KCNQ1OT1: variants seen among roughly 807,000 people sequenced by gnomAD.
KCNQ1OT1 encodes KCNQ1 opposite strand/antisense transcript 1.
rs890300100 is a variant in KCNQ1OT1, at chr11:2,674,368, C to T, written n.25627G>A. Reference sequence around the variant, plus strand: ...TCCATTCGCTCTTGGCAAAGAGCAGCTTCCTGCTTAGGGAAGGTGCATGCG... The same window carrying T: ...TCCATTCGCTCTTGGCAAAGAGCAGTTTCCTGCTTAGGGAAGGTGCATGCG... On this transcript the variant is annotated non_coding_transcript_exon_variant, in exon 1 of 1. Coordinates refer to ENST00000597346, the Ensembl canonical transcript of KCNQ1OT1. This position sits in a 1 kb window ranked among gnomAD's most constrained non-coding sequence, Gnocchi z 5.9. 4.0e-5 allele frequency: 15 copies of T among 378,394 alleles called. No individual in the cohort carries two copies. Among genetic ancestry groups the T allele is most frequent in the East Asian group, 3.0e-4 (8 of 26,358 alleles). 23.4% of individuals were successfully genotyped at this position (378,394 alleles called of 1,614,324 possible). A position where few individuals can be genotyped will look rare whatever the true frequency, so the allele number is the denominator to read the frequency against.
chr11:2,685,109 C>A (rs562485602), exon 1 of KCNQ1OT1: 3 of 398,588 alleles, frequency 7.5e-6, no homozygotes, highest in Non-Finnish European at 1.3e-5. Context: ...CCTTTTGGCA[C>A]GGGGGGTCTG....
chr11:2,696,803 G>C (rs1850684022), exon 1 of KCNQ1OT1: 1 of 398,494 alleles, frequency 2.5e-6, no homozygotes, highest in Non-Finnish European at 4.4e-6. Context: ...TATAAATTTT[G>C]CTGCTATTCT....
At position 2,659,186 on chromosome 11, in the gene KCNQ1OT1, T is replaced by C; in HGVS notation, n.40809A>G. 1 of 398,628 alleles carries C rather than the reference T, an allele frequency of 2.5e-6. No individual in the cohort carries two copies. Among genetic ancestry groups the C allele is most frequent in the Non-Finnish European group, 4.4e-6 (1 of 226,050 alleles). The allele number at this position is 398,628 out of a possible 1,614,324, so 24.7% of individuals were successfully genotyped here. On this transcript the variant is annotated non_coding_transcript_exon_variant, in exon 1 of 1. Transcript: ENST00000597346. The surrounding 1 kb of genome is among the most constrained non-coding windows in gnomAD (Gnocchi z 4.3). ...GGGTTTTGACAGATGTCTGGAGTCA[T>C]GTGTCCACAATCCAGTATCATTCAC...
chr11:2,652,420 C>T lies in KCNQ1OT1; in HGVS notation n.47575G>A. 2.5e-6 allele frequency: 1 copy of T among 398,556 alleles called. No homozygotes were observed. Among genetic ancestry groups the T allele is most frequent in the Non-Finnish European group, 4.4e-6 (1 of 226,054 alleles). 24.7% of individuals were successfully genotyped at this position (398,556 alleles called of 1,614,324 possible). ...TTTTTTTCTTCCTGTGTAATTTTGT[C>T]TTGAAAATCAAGGCCACTTTTTTGT... On this transcript the variant is annotated non_coding_transcript_exon_variant, in exon 1 of 1. Transcript: ENST00000597346. This position sits in a 1 kb window ranked among gnomAD's most constrained non-coding sequence, Gnocchi z 5.9.
Position 2,677,652 on chromosome 11 carries a change from T to C in KCNQ1OT1, n.22343A>G, listed in dbSNP as rs760574897. On this transcript the variant is annotated non_coding_transcript_exon_variant, in exon 1 of 1. Transcript: ENST00000597346. This position sits in a 1 kb window ranked among gnomAD's most constrained non-coding sequence, Gnocchi z 4.5. ...ATAATTGTAACTCTAACAACTGTTATTGCATATGAGATAAAATAATATTTT... is the reference window on the plus strand; with the variant it reads ...ATAATTGTAACTCTAACAACTGTTACTGCATATGAGATAAAATAATATTTT... 2 of 398,496 alleles carry C rather than the reference T, an allele frequency of 5.0e-6. No individual in the cohort carries two copies. Among genetic ancestry groups the C allele is most frequent in the Admixed American group, 4.4e-5 (1 of 22,712 alleles). The allele number at this position is 398,496 out of a possible 1,614,324, so 24.7% of individuals were successfully genotyped here.
At chr11:2,648,599 T>C (rs898042144) in exon 1 of KCNQ1OT1, 2 of 398,462 alleles carry the variant, frequency 5.0e-6, no homozygotes, top group Admixed American at 4.4e-5. Flanking sequence ...CCTCTTGTTA[T>C]TGATTTCCAG....
chr11:2,686,578 T>C (rs772148892), exon 1 of KCNQ1OT1: 8 of 398,568 alleles, frequency 2.0e-5, no homozygotes, highest in African/African-American at 6.2e-5. Flanking sequence ...CTGTGGTGAC[T>C]AGAATGGCAG....
Position 2,624,286 on chromosome 11 carries a change from G to C in KCNQ1OT1, n.75709C>G, listed in dbSNP as rs909002659. The C allele has an allele frequency of 5.0e-6, 2 of 398,364 alleles. No individual in the cohort carries two copies. The highest frequency in any genetic ancestry group is 4.1e-5 in the African/African-American group (2 of 48,602). The allele number at this position is 398,364 out of a possible 1,614,324, so 24.7% of individuals were successfully genotyped here. A position where few individuals can be genotyped will look rare whatever the true frequency, so the allele number is the denominator to read the frequency against. On this transcript the variant is annotated non_coding_transcript_exon_variant, in exon 1 of 1. Transcript: ENST00000597346. The surrounding 1 kb of genome is among the most constrained non-coding windows in gnomAD (Gnocchi z 4.9). Reference sequence around the variant, plus strand: ...AGATTGTTTGTTTTCTAATTGTTATGTTTTTAAGGTTCTTTATATATTTTG... The same window carrying C: ...AGATTGTTTGTTTTCTAATTGTTATCTTTTTAAGGTTCTTTATATATTTTG...
At position 2,621,376 on chromosome 11, in the gene KCNQ1OT1, C is replaced by A; in HGVS notation, n.78619G>T. 1 of 398,544 alleles carries A rather than the reference C, an allele frequency of 2.5e-6. No homozygotes were observed. Among genetic ancestry groups the A allele is most frequent in the Non-Finnish European group, 4.4e-6 (1 of 226,048 alleles). The allele number at this position is 398,544 out of a possible 1,614,324, so 24.7% of individuals were successfully genotyped here. On this transcript the variant is annotated non_coding_transcript_exon_variant, in exon 1 of 1. Coordinates refer to ENST00000597346, the Ensembl canonical transcript of KCNQ1OT1. This position sits in a 1 kb window ranked among gnomAD's most constrained non-coding sequence, Gnocchi z 5.7. ...AAGAAATGTATGTTCCTGTCCTTTGCCAATTCAATTGGATTATTCGTTTTT... is the reference window on the plus strand; with the variant it reads ...AAGAAATGTATGTTCCTGTCCTTTGACAATTCAATTGGATTATTCGTTTTT...
In KCNQ1OT1 at chr11:2,674,238, G is replaced by A. The variant is rs1590023427; in HGVS notation, n.25757C>T. 1 of 398,752 alleles carries A rather than the reference G, an allele frequency of 2.5e-6. No individual in the cohort carries two copies. Among genetic ancestry groups the A allele is most frequent in the East Asian group, 3.6e-5 (1 of 28,064 alleles). 24.7% of individuals were successfully genotyped at this position (398,752 alleles called of 1,614,324 possible). ...CTTGGGGCCCAGATAGATGTGAGCAGAGCTGGAGGCCCCTCTCTCCCAGCC... is the reference window on the plus strand; with the variant it reads ...CTTGGGGCCCAGATAGATGTGAGCAAAGCTGGAGGCCCCTCTCTCCCAGCC... On this transcript the variant is annotated non_coding_transcript_exon_variant, in exon 1 of 1. Coordinates refer to ENST00000597346, the Ensembl canonical transcript of KCNQ1OT1. The surrounding 1 kb of genome is among the most constrained non-coding windows in gnomAD (Gnocchi z 5.9).
rs185333994 is a variant in KCNQ1OT1 at position 2,617,201 on chromosome 11, A to G, written n.82794T>C. The G allele has an allele frequency of 4.5e-5, 18 of 398,316 alleles. No homozygotes were observed. The highest frequency in any genetic ancestry group is 1.3e-4 in the Admixed American group (3 of 22,716). The allele number at this position is 398,316 out of a possible 1,614,324, so 24.7% of individuals were successfully genotyped here. A position where few individuals can be genotyped will look rare whatever the true frequency, so the allele number is the denominator to read the frequency against. The stretch of plus-strand genomic sequence containing the variant: ...TCATCCTATATATCTGCTACTTGGT[A>G]TCCTTTGACCTACATCTTTCCATTT... On this transcript the variant is annotated non_coding_transcript_exon_variant, in exon 1 of 1. Transcript: ENST00000597346. The surrounding 1 kb of genome is among the most constrained non-coding windows in gnomAD (Gnocchi z 4.6).
chr11:2,648,169 C>T (rs904522356), exon 1 of KCNQ1OT1: 44 of 353,550 alleles, frequency 1.2e-4, no homozygotes, highest in African/African-American at 5.8e-4. Context: ...CACACCACTG[C>T]GCTCTAGCCT....
chr11:2,694,888 CAAGGG>C (rs1185898058), exon 1 of KCNQ1OT1: 1 of 398,446 alleles, frequency 2.5e-6, no homozygotes, highest in Non-Finnish European at 4.4e-6. Flanking sequence ...AAGGAATTGT[CAAGGG>C]AAGATCACCA....
exon 1 of KCNQ1OT1, chr11:2,696,220 C>G (rs1850673758): frequency 2.5e-6 from 1 of 398,494 alleles, no homozygotes; most frequent in Admixed American, 4.4e-5. Flanking sequence ...CATTTTTTCT[C>G]CTATTAAACA....
chr11:2,669,919 C>A lies in KCNQ1OT1; in HGVS notation n.30076G>T. 2.5e-6 allele frequency: 1 copy of A among 398,626 alleles called. No individual in the cohort carries two copies. Among genetic ancestry groups the A allele is most frequent in the Non-Finnish European group, 4.4e-6 (1 of 226,100 alleles). The allele number at this position is 398,626 out of a possible 1,614,324, so 24.7% of individuals were successfully genotyped here. On this transcript the variant is annotated non_coding_transcript_exon_variant, in exon 1 of 1. Coordinates refer to ENST00000597346, the Ensembl canonical transcript of KCNQ1OT1. This position sits in a 1 kb window ranked among gnomAD's most constrained non-coding sequence, Gnocchi z 5.6. Reference sequence around the variant, plus strand: ...TGCCTAGAGGCCTGAGAGTCCCAAGCTCCAGGACAGTCTGGAGTCAGGTGG... The same window carrying A: ...TGCCTAGAGGCCTGAGAGTCCCAAGATCCAGGACAGTCTGGAGTCAGGTGG...
Position 2,679,595 on chromosome 11 carries a change from G to C in KCNQ1OT1, n.20400C>G. 1 of 398,614 alleles carries C rather than the reference G, an allele frequency of 2.5e-6. No individual in the cohort carries two copies. Among genetic ancestry groups the C allele is most frequent in the Non-Finnish European group, 4.4e-6 (1 of 226,068 alleles). The allele number at this position is 398,614 out of a possible 1,614,324, so 24.7% of individuals were successfully genotyped here. A position where few individuals can be genotyped will look rare whatever the true frequency, so the allele number is the denominator to read the frequency against. On this transcript the variant is annotated non_coding_transcript_exon_variant, in exon 1 of 1. Coordinates refer to ENST00000597346, the Ensembl canonical transcript of KCNQ1OT1. The surrounding 1 kb of genome is among the most constrained non-coding windows in gnomAD (Gnocchi z 4.8). ...ATTCACAGTGCCTGACAAAGCTGATGGGGAGGCGAGTTGGAATGAATAGTA... is the reference window on the plus strand; with the variant it reads ...ATTCACAGTGCCTGACAAAGCTGATCGGGAGGCGAGTTGGAATGAATAGTA...
At chr11:2,686,209 A>G in exon 1 of KCNQ1OT1, 2 of 398,758 alleles carry the variant, frequency 5.0e-6, no homozygotes, top group Non-Finnish European at 8.8e-6. Flanking sequence ...CCCTGCTCCA[A>G]CCTAGCTGTG....
rs1849171426 is a variant in KCNQ1OT1, at chr11:2,621,467, T to C, written n.78528A>G. ...TAGGACCTTTGCCAGATGAATAGTT[T>C]GCAAATATTTTTTCTCCCATTCTAT... On this transcript the variant is annotated non_coding_transcript_exon_variant, in exon 1 of 1. Coordinates refer to ENST00000597346, the Ensembl canonical transcript of KCNQ1OT1. The surrounding 1 kb of genome is among the most constrained non-coding windows in gnomAD (Gnocchi z 5.7). The C allele has an allele frequency of 5.0e-6, 2 of 398,580 alleles. No homozygotes were observed. The highest frequency in any genetic ancestry group is 8.8e-6 in the Non-Finnish European group (2 of 226,060). 24.7% of individuals were successfully genotyped at this position (398,580 alleles called of 1,614,324 possible).
chr11:2,685,826 G>C, exon 1 of KCNQ1OT1: 1 of 398,706 alleles, frequency 2.5e-6, no homozygotes, highest in African/African-American at 2.1e-5. Flanking sequence ...CTACTAGAAC[G>C]AGGCTGTTTC....
Sources: gnomAD v4.1 joint callset for allele counts on GRCh38, gnomAD v4.1.1 for gene constraint, Gnocchi (gnomAD v3.1) non-coding constraint, MANE v1.5 for transcripts, NCBI Gene and HGNC (gene_info 2026-07-23, HGNC 2026-07-21) for gene names.